The following ZBTB7C variants were observed in gnomAD, a reference collection of about 807,000 sequenced individuals.
ZBTB7C encodes the protein zinc finger and BTB domain-containing protein 7C.
In ZBTB7C, 8 loss-of-function variants were observed where a neutral mutation model predicts 25.7. That is an observed-to-expected ratio of 0.31 (90% confidence interval 0.18 to 0.56). The LOEUF is 0.56. ZBTB7C is among the 20% of genes least tolerant of loss of function. ZBTB7C has a pLI of 0.91. For missense variants in ZBTB7C, 824 were observed against 855.2 expected (o/e 0.96, Z 0.46); for synonymous variants, 394 against 369.0 (o/e 1.07, Z -0.78).
intron 2 of ZBTB7C, among the ~76,000 whole-genome samples, chr18:48,239,730 G>A (rs944031693): frequency 2.6e-5 from 4 of 152,114 alleles, no homozygotes; most frequent in African/African-American, 4.8e-5. Context: ...CTTGAGCCCC[G>A]GATCTTTCCT....
At chr18:48,078,085 A>C (rs369069717) in intron 3 of ZBTB7C, among the ~76,000 whole-genome samples, 67 of 152,178 alleles carry the variant, frequency 4.4e-4, no homozygotes, top group African/African-American at 1.6e-3. Context: ...GAAGCTAGAG[A>C]CTCAGACCCC....
At chr18:48,167,593 TGTGTGCGCGC>T (rs962793625) in intron 3 of ZBTB7C, among the ~76,000 whole-genome samples, 1 of 150,800 alleles carries the variant, frequency 6.6e-6, no homozygotes, top group African/African-American at 2.5e-5. Context: ...TGTGTGTGTG[TGTGTGCGCGC>T]GTGCACACGC....
At chr18:48,363,080 C>T (rs904788599) in intron 1 of ZBTB7C, among the ~76,000 whole-genome samples, 11 of 152,332 alleles carry the variant, frequency 7.2e-5, no homozygotes, top group East Asian at 1.9e-4. Context: ...AATGCCAGAA[C>T]CTTAGAGGGC....
chr18:48,162,212 G>A, intron 3 of ZBTB7C: 1 of 372,784 alleles, frequency 2.7e-6, no homozygotes, highest in Non-Finnish European at 5.5e-6. Flanking sequence ...ACCACCCCTG[G>A]CCCCAGCCTC....
At chr18:48,326,597 C>CA (rs11367556) in intron 2 of ZBTB7C, among the ~76,000 whole-genome samples, 20,510 of 148,726 alleles carry the variant, frequency 0.14, 1,587 homozygotes, top group Non-Finnish European at 0.2. Flanking sequence ...ACAGAGCAAT[C>CA]AAAAAAAAAA....
chr18:48,199,263 AT>A (rs1696370139), intron 2 of ZBTB7C, among the ~76,000 whole-genome samples: 1 of 152,054 alleles, frequency 6.6e-6, no homozygotes, highest in Admixed American at 6.6e-5. Flanking sequence ...AACTTCTCTG[AT>A]ACTTTCCTCT....
At chr18:48,172,058 G>A (rs1032875064) in intron 3 of ZBTB7C, among the ~76,000 whole-genome samples, 2 of 152,220 alleles carry the variant, frequency 1.3e-5, no homozygotes, top group African/African-American at 4.8e-5. Context: ...ACAGCTACCT[G>A]GGACAAGAAA....
intron 3 of ZBTB7C, among the ~76,000 whole-genome samples, chr18:48,133,505 T>C (rs1282011062): frequency 1.3e-5 from 2 of 152,188 alleles, no homozygotes; most frequent in East Asian, 1.9e-4. Flanking sequence ...CACTCCATCA[T>C]GATACCTCAG....
intron 3 of ZBTB7C, among the ~76,000 whole-genome samples, chr18:48,055,410 CAAAAAAAAAAAAA>C (rs57782791): frequency 4.1e-5 from 3 of 72,790 alleles, no homozygotes; most frequent in African/African-American, 1.1e-4. Context: ...ACTCAAGTCT[CAAAAAAAAAAAAA>C]AAAAAAAAAA....
chr18:48,105,306 C>T (rs2038990550), intron 3 of ZBTB7C, among the ~76,000 whole-genome samples: 1 of 152,212 alleles, frequency 6.6e-6, no homozygotes, highest in Admixed American at 6.5e-5. Flanking sequence ...CTCTTCATGC[C>T]TGATATACTT....
At chr18:48,260,243 G>T (rs1197565972) in intron 2 of ZBTB7C, among the ~76,000 whole-genome samples, 1 of 152,188 alleles carries the variant, frequency 6.6e-6, no homozygotes, top group Non-Finnish European at 1.5e-5. Flanking sequence ...TGCATAAAAA[G>T]ATTACATGCT....
rs1435400204 is a variant in ZBTB7C at position 48,041,009 on chromosome 18, C to G, written c.99G>C (p.Leu33=). ...SLNEQRHDGL[L]CDVLLVVQEQ... is the part of the protein sequence containing the mutation. ...CCTGCACCACCAGGAGCACGTCACA[C>G]AGCAGGCCATCGTGCCGTTGCTCAT... Residue 33 remains leucine (L), a synonymous_variant, in exon 4 of 5, where the codon CTG becomes CTC. Transcript: ENST00000590800. 6.2e-7 allele frequency: 1 copy of G among 1,614,140 alleles called. No individual in the cohort carries two copies. Among genetic ancestry groups the G allele is most frequent in the Non-Finnish European group, 8.5e-7 (1 of 1,180,020 alleles).
At chr18:48,313,956 G>A (rs903102819) in intron 2 of ZBTB7C, among the ~76,000 whole-genome samples, 6 of 152,082 alleles carry the variant, frequency 3.9e-5, no homozygotes, top group African/African-American at 1.2e-4. Context: ...TAAGAGTCTG[G>A]GACCACCCCC....
At chr18:48,038,529 T>A (rs1300899562) in intron 4 of ZBTB7C, among the ~76,000 whole-genome samples, 1 of 151,514 alleles carries the variant, frequency 6.6e-6, no homozygotes, top group Non-Finnish European at 1.5e-5. Flanking sequence ...ACAGGTCTCA[T>A]GACTTTAGAG....
intron 2 of ZBTB7C, among the ~76,000 whole-genome samples, chr18:48,254,698 A>G (rs933006849): frequency 7.9e-5 from 12 of 152,132 alleles, no homozygotes; most frequent in African/African-American, 2.9e-4. Context: ...TCTTTGACCA[A>G]TCAACAATCT....
At chr18:48,124,566 G>A (rs2039737662) in intron 3 of ZBTB7C, among the ~76,000 whole-genome samples, 1 of 152,214 alleles carries the variant, frequency 6.6e-6, no homozygotes, top group Non-Finnish European at 1.5e-5. Flanking sequence ...AGGATTACTA[G>A]GGTCTCTGGG....
At chr18:48,155,730 T>C (rs889803730) in intron 3 of ZBTB7C, among the ~76,000 whole-genome samples, 1 of 152,192 alleles carries the variant, frequency 6.6e-6, no homozygotes. Flanking sequence ...GGTGTGGTCA[T>C]CTCATTGCAG....
At chr18:48,141,005 A>G (rs748258207) in intron 3 of ZBTB7C, among the ~76,000 whole-genome samples, 1 of 152,136 alleles carries the variant, frequency 6.6e-6, no homozygotes, top group Non-Finnish European at 1.5e-5. Context: ...TGCCAAAGCA[A>G]TCCACTTAAA....
intron 3 of ZBTB7C, among the ~76,000 whole-genome samples, chr18:48,068,128 C>A (rs2037398917): frequency 6.6e-6 from 1 of 150,534 alleles, no homozygotes; most frequent in Admixed American, 6.6e-5. Flanking sequence ...CAAACTTGAG[C>A]CTTGTAAGTC....
Sources: gnomAD v4.1 joint callset for allele counts (sites outside exome capture counted in the v4.1 genomes callset) on GRCh38, gnomAD v4.1.1 for gene constraint, MANE v1.5 for transcripts, NCBI Gene and HGNC (gene_info 2026-07-23, HGNC 2026-07-21) for gene names.